The following HYLS1 variants were observed in gnomAD, a reference collection of about 807,000 sequenced individuals.
The protein encoded by HYLS1 is centriolar and ciliogenesis-associated protein HYLS1.
A neutral mutation model predicts 29.4 loss-of-function variants in HYLS1; 25 were observed. That is an observed-to-expected ratio of 0.85 (90% CI 0.62 to 1.19). The LOEUF is 1.19. Among genes scored for constraint, HYLS1 ranks in the 50% most tolerant of loss-of-function variants. The pLI is 0.00. For synonymous variants in HYLS1, 128 were observed against 126.7 expected, an observed-to-expected ratio of 1.01 and a Z score of -0.07; for missense variants, 352 against 365.1, an observed-to-expected ratio of 0.96 and a Z score of 0.29.
At chr11:125,895,172 C>T (rs2134243472) in intron 2 of HYLS1, 5 of 1,444,904 alleles carry the variant, frequency 3.5e-6, no homozygotes, top group African/African-American at 1.4e-5. Context: ...TCAAGCGTCC[C>T]GAGTAGCTGG....
intron 2 of HYLS1, among the ~76,000 whole-genome samples, chr11:125,893,006 A>G (rs936203509): frequency 3.3e-5 from 5 of 152,334 alleles, no homozygotes; most frequent in Admixed American, 3.3e-4. Flanking sequence ...ACTTAGACAC[A>G]TTTAAAGTGG....
intron 2 of HYLS1, chr11:125,893,594 G>A (rs954053587): frequency 6.3e-5 from 32 of 509,314 alleles, no homozygotes; most frequent in Non-Finnish European, 9.1e-5. Context: ...TTTTGGACCG[G>A]GATAAGAGAA....
At chr11:125,887,031 T>TA (rs890910209), upstream of HYLS1, 2 of 152,218 alleles carry the variant, frequency 1.3e-5, no homozygotes, top group Non-Finnish European at 2.9e-5. Context: ...GGAGCACAGT[T>TA]AGAGTAACGT....
intron 2 of HYLS1, chr11:125,893,711 G>A (rs1944478747): frequency 7.9e-7 from 1 of 1,258,582 alleles, no homozygotes; most frequent in Non-Finnish European, 1.1e-6. Context: ...GTACTTGCAA[G>A]TAAATTTTTT....
At chr11:125,895,446 A>G (rs1241156847) in intron 2 of HYLS1, 2 of 1,614,132 alleles carry the variant, frequency 1.2e-6, no homozygotes, top group Non-Finnish European at 8.5e-7. Context: ...AGCAGATAGA[A>G]TAGTCCTCTG....
intron 1 of HYLS1, among the ~76,000 whole-genome samples, chr11:125,890,664 AT>A (rs918174124): frequency 5.3e-5 from 8 of 152,198 alleles, no homozygotes; most frequent in African/African-American, 1.4e-4. Context: ...ATGGTTAGGT[AT>A]TTCGGTCAAT....
Position 125,899,641 on chromosome 11 carries a change from GC to G in HYLS1, c.275del (p.Pro92GlnfsTer2). 1 of 1,614,190 alleles carries G rather than the reference GC, an allele frequency of 6.2e-7. No individual in the cohort carries two copies. ...VSEASQRLRK[P>X]VMKRKVLRRK... Reference sequence around the variant, plus strand: ...CTGAGGCCTCCCAAAGACTCCGAAAGCCAGTGATGAAGAGAAAGGTGCTGCG... The same window carrying G: ...CTGAGGCCTCCCAAAGACTCCGAAAGCAGTGATGAAGAGAAAGGTGCTGCG... On this transcript the variant is annotated frameshift_variant, in exon 3 of 3. Transcript: ENST00000425380. LOFTEE classifies it high-confidence loss of function.
At chr11:125,884,433 C>T (rs991720830), upstream of HYLS1, among the ~76,000 whole-genome samples, 1 of 150,352 alleles carries the variant, frequency 6.7e-6, no homozygotes, top group African/African-American at 2.4e-5. Flanking sequence ...CATGGTGAAA[C>T]CCTGTCTCTA....
chr11:125,895,351 C>T, intron 2 of HYLS1: 1 of 1,614,160 alleles, frequency 6.2e-7, no homozygotes, highest in Non-Finnish European at 8.5e-7. Flanking sequence ...TAAAGGAATG[C>T]CTGGCCAGTC....
chr11:125,887,217 C>G (rs1333803948), upstream of HYLS1: 1 of 152,448 alleles, frequency 6.6e-6, no homozygotes, highest in Non-Finnish European at 1.5e-5. Context: ...CCTGAGCGCC[C>G]GCCCTCGTCT....
intron 2 of HYLS1, chr11:125,894,285 T>C: frequency 6.3e-7 from 1 of 1,590,296 alleles, no homozygotes; most frequent in Non-Finnish European, 8.6e-7. Flanking sequence ...TCTACAGCCA[T>C]ACTAGAGAAA....
chr11:125,895,776 T>G (rs1278210119), intron 2 of HYLS1: 1 of 1,599,342 alleles, frequency 6.3e-7, no homozygotes, highest in Non-Finnish European at 8.5e-7. Context: ...AGAGCGAAGG[T>G]CAAGTGAGAT....
In HYLS1 at chr11:125,899,544, G is replaced by T; in HGVS notation, c.176G>T (p.Gly59Val). ...DPYSKASVAP[G>V]KRPALPVQLQ... ...TACAGTAAAGCTTCAGTAGCCCCAG[G>T]GAAGCGACCTGCTCTTCCTGTGCAA... Residue 59 changes from glycine (G) to valine (V), a missense_variant, in exon 3 of 3, where the codon GGG becomes GTG. Physicochemically the swap from Gly to Val is moderately radical, Grantham distance 109. Coordinates refer to ENST00000425380, the MANE Select transcript of HYLS1 (RefSeq NM_001134793.2). 6.2e-7 allele frequency: 1 copy of T among 1,614,122 alleles called. No individual in the cohort carries two copies. Among genetic ancestry groups the T allele is most frequent in the Non-Finnish European group, 8.5e-7 (1 of 1,180,028 alleles).
chr11:125,900,607 T>G lies in HYLS1; in HGVS notation c.*339T>G. The G allele has an allele frequency of 3.0e-6, 1 of 328,906 alleles. No individual in the cohort carries two copies. Among genetic ancestry groups the G allele is most frequent in the Non-Finnish European group, 6.0e-6 (1 of 165,826 alleles). The allele number at this position is 328,906 out of a possible 1,614,324, so 20.4% of individuals were successfully genotyped here. A position where few individuals can be genotyped will look rare whatever the true frequency, so the allele number is the denominator to read the frequency against. On this transcript the variant is annotated 3_prime_UTR_variant, in exon 3 of 3. Coordinates refer to ENST00000425380, the MANE Select transcript of HYLS1 (RefSeq NM_001134793.2). ...CTTCAGTGTGTGTTTTTTAAGTTGCTGGGCATTACACTTACCAATTAAAGA... is the reference window on the plus strand; with the variant it reads ...CTTCAGTGTGTGTTTTTTAAGTTGCGGGGCATTACACTTACCAATTAAAGA...
Position 125,896,272 on chromosome 11 carries a change from C to T in HYLS1, c.-25-3072C>T, listed in dbSNP as rs1944587434. 1 of 1,606,440 alleles carries T rather than the reference C, an allele frequency of 6.2e-7. No individual in the cohort carries two copies. Among genetic ancestry groups the T allele is most frequent in the Non-Finnish European group, 8.5e-7 (1 of 1,173,794 alleles). On this transcript the variant is annotated intron_variant, in intron 2 of 2. Transcript: ENST00000425380. ...TTCTCAGTCTGGTTTCTGTCTGTGT[C>T]ATTATAAGCCATGATATGACAACCC... is the stretch of plus-strand genomic sequence containing the variant.
Position 125,899,328 on chromosome 11 carries a change from A to G in HYLS1, c.-25-16A>G, listed in dbSNP as rs1944685447. The stretch of plus-strand genomic sequence containing the variant: ...GAATTTATTATCAGAAAACTGACCA[A>G]TGTTATCTCTTGCAGAAGGTCCTAC... On this transcript the variant is annotated splice_polypyrimidine_tract_variant and intron_variant, in intron 2 of 2. Transcript: ENST00000425380. 1 of 1,580,838 alleles carries G rather than the reference A, an allele frequency of 6.3e-7. No individual in the cohort carries two copies. The highest frequency in any genetic ancestry group is 1.7e-5 in the Admixed American group (1 of 58,548).
intron 1 of HYLS1, chr11:125,888,303 A>G (rs1248603957): frequency 6.6e-6 from 1 of 152,272 alleles, no homozygotes; most frequent in Non-Finnish European, 1.5e-5. Context: ...TTTATTCTAA[A>G]CAGTATACAA....
Position 125,900,632 on chromosome 11 carries a change from A to T in HYLS1, c.*364A>T. ...TGGGCATTACACTTACCAATTAAAGAATTTTGGAAATTCATGAACTTGAAC... is the reference window on the plus strand; with the variant it reads ...TGGGCATTACACTTACCAATTAAAGTATTTTGGAAATTCATGAACTTGAAC... On this transcript the variant is annotated 3_prime_UTR_variant, in exon 3 of 3. Transcript: ENST00000425380. 1 of 265,726 alleles carries T rather than the reference A, an allele frequency of 3.8e-6. No homozygotes were observed. Among genetic ancestry groups the T allele is most frequent in the East Asian group, 1.2e-4 (1 of 8,678 alleles). 16.5% of individuals were successfully genotyped at this position (265,726 alleles called of 1,614,324 possible). A position where few individuals can be genotyped will look rare whatever the true frequency, so the allele number is the denominator to read the frequency against.
chr11:125,894,034 G>A, intron 2 of HYLS1: 1 of 1,614,180 alleles, frequency 6.2e-7, no homozygotes, highest in Non-Finnish European at 8.5e-7. Flanking sequence ...CAAAGGCACT[G>A]GTCTGCTTTA....
Sources: allele counts gnomAD v4.1 joint callset (sites outside exome capture counted in the v4.1 genomes callset), GRCh38; gene constraint gnomAD v4.1.1; transcripts MANE v1.5; gene names NCBI Gene and HGNC (gene_info 2026-07-23, HGNC 2026-07-21).